Variants in UTY observed in about 807,000 individuals in gnomAD.
UTY encodes ubiquitously transcribed tetratricopeptide repeat containing, Y-linked, also known as histone demethylase UTY.
In UTY, 12 loss-of-function variants were observed where a neutral mutation model predicts 32.5. That is an observed-to-expected ratio of 0.37 (90% confidence interval 0.24 to 0.60). UTY has a LOEUF of 0.60. Ranked by LOEUF, UTY falls within the 20% of genes least tolerant of loss-of-function variation. UTY has a pLI of 0.69. For missense variants in UTY, 303 were observed against 299.2 expected (o/e 1.01, Z -0.09); for synonymous variants, 131 against 103.4 (o/e 1.27, Z -1.62).
chrY:13,339,375 G>C, intron 17 of UTY, among the ~76,000 whole-genome samples: 1 of 33,750 alleles, frequency 3.0e-5, no homozygotes, highest in South Asian at 6.6e-4. Flanking sequence ...AAATGGAACA[G>C]GTAGAAAGTG....
At chrY:13,356,114 A>T in intron 15 of UTY, 96 bp from the exon 16 acceptor site, 1 of 168,351 alleles carries the variant, frequency 5.9e-6, no homozygotes, top group Non-Finnish European at 1.1e-5. Flanking sequence ...GAACCTTTGC[A>T]GGATGAAAGA....
chrY:13,255,332 G>T (rs946321135), intron 28 of UTY, among the ~76,000 whole-genome samples: 2 of 33,433 alleles, frequency 6.0e-5, no homozygotes, highest in Non-Finnish European at 1.5e-4. Context: ...AATTTGCAAG[G>T]TTTGAAAGAA....
At chrY:13,453,056 C>T (rs1016197277) in intron 3 of UTY, among the ~76,000 whole-genome samples, 14 of 33,556 alleles carry the variant, frequency 4.2e-4, no homozygotes, top group Non-Finnish European at 8.8e-4. Context: ...CAATAAACTC[C>T]GATGACTCAC....
chrY:13,469,510 T>C, intron 3 of UTY, among the ~76,000 whole-genome samples: 4 of 32,344 alleles, frequency 1.2e-4, no homozygotes, highest in Admixed American at 8.7e-4. Flanking sequence ...GGCCCACCCC[T>C]CCACCTATTT....
intron 4 of UTY, among the ~76,000 whole-genome samples, chrY:13,418,164 G>A: frequency 3.8e-5 from 1 of 26,039 alleles, no homozygotes; most frequent in African/African-American, 1.6e-4. Flanking sequence ...ACGGTGTTTG[G>A]TTTTTTGTCC....
At chrY:13,447,470 T>C (rs2076016828) in intron 4 of UTY, among the ~76,000 whole-genome samples, 2 of 33,891 alleles carry the variant, frequency 5.9e-5, no homozygotes, top group Admixed American at 5.4e-4. Flanking sequence ...ACAACACATG[T>C]ACCAGATTAA....
At chrY:13,470,380 G>C in intron 2 of UTY, 151 bp from the exon 3 acceptor site, 1 of 115,268 alleles carries the variant, frequency 8.7e-6, no homozygotes, top group Non-Finnish European at 1.6e-5. Context: ...ATTTCAGAGA[G>C]GAAATAACTT....
chrY:13,325,183 C>T (rs2032671), intron 19 of UTY, among the ~76,000 whole-genome samples: 112 of 33,425 alleles, frequency 3.4e-3, no homozygotes, highest in African/African-American at 0.012. Flanking sequence ...ATAAAAACCA[C>T]AACAGGCAAA....
At chrY:13,352,795 T>C in intron 17 of UTY, among the ~76,000 whole-genome samples, 1 of 33,965 alleles carries the variant, frequency 2.9e-5, no homozygotes, top group South Asian at 6.5e-4. Flanking sequence ...TTATTGATGA[T>C]ATAAAGAAAG....
Position 13,355,165 on chromosome Y carries a change from A to C in UTY, c.1899T>G (p.Ser633Arg). 2.5e-6 allele frequency: 1 copy of C among 397,630 alleles called. No homozygotes were observed. Among genetic ancestry groups the C allele is most frequent in the East Asian group, 9.2e-5 (1 of 10,843 alleles). The change falls in exon 17 of 30, where the codon AGT becomes AGG. Residue 633 changes from serine (S) to arginine (R), a missense_variant. Physicochemically the swap from Ser to Arg is moderately radical, Grantham distance 110. Coordinates refer to ENST00000545955, the MANE Select transcript of UTY (RefSeq NM_001258249.2). ...TACTGCCTAGCAAGATAGTGTCTGT[A>C]CTTCCTAGAATTTTTGATGTGCCAC... ...IPCGTSKILG[S>R]TDTILLGSNC...
chrY:13,395,911 T>G, intron 7 of UTY, among the ~76,000 whole-genome samples: 2 of 24,183 alleles, frequency 8.3e-5, no homozygotes, highest in African/African-American at 3.4e-4. Context: ...CTGTTTTTTT[T>G]TTTTTTTTTT....
intron 8 of UTY, among the ~76,000 whole-genome samples, chrY:13,380,331 G>C (rs774133118): frequency 3.6e-5 from 1 of 28,010 alleles, no homozygotes; most frequent in East Asian, 9.2e-4. Flanking sequence ...GAACCAAAGA[G>C]AGATGCTAGA....
At chrY:13,336,791 A>T in intron 17 of UTY, among the ~76,000 whole-genome samples, 1 of 33,727 alleles carries the variant, frequency 3.0e-5, no homozygotes, top group South Asian at 6.4e-4. Flanking sequence ...CTGAAATCAT[A>T]GAAAGTATGT....
chrY:13,409,311 A>G, intron 6 of UTY, among the ~76,000 whole-genome samples: 1 of 33,665 alleles, frequency 3.0e-5, no homozygotes, highest in South Asian at 6.3e-4. Context: ...AACTGCACTT[A>G]ACCTTGGACT....
chrY:13,327,511 AAAC>A (rs2060331107), intron 18 of UTY, among the ~76,000 whole-genome samples: 4 of 33,604 alleles, frequency 1.2e-4, no homozygotes. Context: ...TAACCTTTTT[AAAC>A]AACTAAAAAG....
chrY:13,313,884 A>G (rs1015712051), intron 21 of UTY, among the ~76,000 whole-genome samples: 1 of 33,396 alleles, frequency 3.0e-5, no homozygotes, highest in Non-Finnish European at 7.4e-5. Context: ...GAACAAAATG[A>G]TGTCCTTTGC....
chrY:13,254,009 G>A, intron 28 of UTY, among the ~76,000 whole-genome samples: 1 of 33,255 alleles, frequency 3.0e-5, no homozygotes, highest in Non-Finnish European at 7.4e-5. Context: ...CTATAAAACA[G>A]GGACCAAGAG....
intron 5 of UTY, among the ~76,000 whole-genome samples, chrY:13,411,577 C>G (rs1000569059): frequency 5.1e-4 from 17 of 33,628 alleles, no homozygotes; most frequent in African/African-American, 1.9e-3. Flanking sequence ...GCAGCCTGGA[C>G]CTCCTGGGTT....
intron 4 of UTY, among the ~76,000 whole-genome samples, chrY:13,433,088 T>C (rs2074176745): frequency 3.0e-5 from 1 of 33,419 alleles, no homozygotes; most frequent in Non-Finnish European, 7.4e-5. Flanking sequence ...AACTATAGAT[T>C]TGAGGCAAAA....
Sources: gnomAD v4.1 joint callset for allele counts (sites outside exome capture counted in the v4.1 genomes callset) on GRCh38, gnomAD v4.1.1 for gene constraint, MANE v1.5 for transcripts, NCBI Gene and HGNC (gene_info 2026-07-23, HGNC 2026-07-21) for gene names.